Variants in FSTL4 observed in about 807,000 individuals in gnomAD.
FSTL4 encodes the protein follistatin like 4.
Under a neutral mutation model 78.2 loss-of-function variants are expected in FSTL4, and 28 were observed. That is an observed-to-expected ratio of 0.36 (90% CI 0.27 to 0.49). The LOEUF (loss-of-function observed/expected upper bound fraction) is 0.49. FSTL4 is among the 20% of genes least tolerant of loss of function. The pLI, the probability that FSTL4 is intolerant of heterozygous loss-of-function variation, is 0.98. For synonymous variants in FSTL4, 422 were observed against 440.5 expected (o/e 0.96, Z 0.53); for missense variants, 922 against 1,084.9 (o/e 0.85, Z 2.11).
intron 13 of FSTL4, among the ~76,000 whole-genome samples, chr5:133,215,129 A>G (rs1750865192): frequency 6.6e-6 from 1 of 152,222 alleles, no homozygotes. Context: ...ACACATGCTC[A>G]TCACAGCACA....
At chr5:133,756,711 G>C in the FSTL4 span, among the ~76,000 whole-genome samples, 1 of 152,134 alleles carries the variant, frequency 6.6e-6, no homozygotes, top group Admixed American at 6.5e-5. Flanking sequence ...GTTGTGATTT[G>C]TCATTGGTGC....
chr5:133,549,954 G>A (rs1315930659), intron 3 of FSTL4, among the ~76,000 whole-genome samples: 1 of 152,072 alleles, frequency 6.6e-6, no homozygotes, highest in Non-Finnish European at 1.5e-5. Context: ...GGTCTGTTGG[G>A]GTCTCAGCTT....
At chr5:133,836,337 T>C in the FSTL4 span, among the ~76,000 whole-genome samples, 1 of 152,212 alleles carries the variant, frequency 6.6e-6, no homozygotes, top group Admixed American at 6.5e-5. Flanking sequence ...AATCTTATAG[T>C]GCATACCCTA....
intron 6 of FSTL4, among the ~76,000 whole-genome samples, chr5:133,271,554 G>T (rs1261683559): frequency 6.6e-6 from 1 of 152,178 alleles, no homozygotes; most frequent in Non-Finnish European, 1.5e-5. Flanking sequence ...ATCAAGCCCA[G>T]CTAGTGAGAT....
the FSTL4 span, among the ~76,000 whole-genome samples, chr5:133,838,069 G>A: frequency 6.6e-6 from 1 of 152,098 alleles, no homozygotes; most frequent in East Asian, 1.9e-4. Context: ...TGCATTTTTA[G>A]TAAAGACAGG....
chr5:133,802,376 A>T, the FSTL4 span, among the ~76,000 whole-genome samples: 55 of 152,342 alleles, frequency 3.6e-4, no homozygotes, highest in South Asian at 4.3e-3. Context: ...TGCAGCTGAA[A>T]GGTCGTTATC....
chr5:133,613,658 C>T (rs527390985), upstream of FSTL4, among the ~76,000 whole-genome samples: 10 of 152,234 alleles, frequency 6.6e-5, no homozygotes, highest in South Asian at 1.4e-3. Context: ...TGGGCCAGCG[C>T]GGTCTTGGCA....
chr5:133,651,643 A>T, the FSTL4 span, among the ~76,000 whole-genome samples: 1 of 148,982 alleles, frequency 6.7e-6, no homozygotes, highest in South Asian at 2.1e-4. Context: ...TGATTTGCTT[A>T]TTTTTTTTTT....
chr5:133,825,472 C>G, the FSTL4 span, among the ~76,000 whole-genome samples: 6 of 152,222 alleles, frequency 3.9e-5, no homozygotes, highest in African/African-American at 7.2e-5. Context: ...ACCTTTGCTT[C>G]TAGGTTAATT....
At chr5:133,725,926 T>C in the FSTL4 span, among the ~76,000 whole-genome samples, 1 of 152,144 alleles carries the variant, frequency 6.6e-6, no homozygotes, top group Non-Finnish European at 1.5e-5. Context: ...TTGTCATTCT[T>C]GAGTTAAAGC....
At chr5:133,724,438 C>T in the FSTL4 span, among the ~76,000 whole-genome samples, 1 of 136,728 alleles carries the variant, frequency 7.3e-6, no homozygotes, top group African/African-American at 2.8e-5. Flanking sequence ...CCAGAGCTCT[C>T]CTTCAGTCCT....
intron 4 of FSTL4, among the ~76,000 whole-genome samples, chr5:133,341,158 A>G (rs1209006635): frequency 6.6e-6 from 1 of 151,820 alleles, no homozygotes; most frequent in African/African-American, 2.4e-5. Context: ...CTTCGAAACT[A>G]AGAGCTCAGG....
Position 133,210,228 on chromosome 5 carries a change from C to G in FSTL4, c.1679G>C (p.Ser560Thr). The G allele has an allele frequency of 6.2e-7, 1 of 1,612,792 alleles. No individual in the cohort carries two copies. Among genetic ancestry groups the G allele is most frequent in the Non-Finnish European group, 8.5e-7 (1 of 1,178,922 alleles). The change falls in exon 14 of 16, where the codon AGC (serine) becomes ACC (threonine). Residue 560 changes from serine to threonine, a missense_variant. By Grantham distance (58) the Ser-to-Thr change is moderately conservative (BLOSUM62 1). Transcript: ENST00000265342. ...TCGGGACTTGTGCACGTCCCCCCAG[C>G]TCAGGACCCACACTTGGTCATGTGA... ...DKSHDQVWVLSWGDVHKSRPS... is the reference protein window; with the variant it reads ...DKSHDQVWVLTWGDVHKSRPS...
intron 5 of FSTL4, among the ~76,000 whole-genome samples, chr5:133,314,202 G>A (rs1419524515): frequency 2.0e-5 from 3 of 152,196 alleles, no homozygotes; most frequent in Non-Finnish European, 4.4e-5. Flanking sequence ...CCTGCAAGTA[G>A]CTGTAACTAT....
intron 1 of FSTL4, among the ~76,000 whole-genome samples, chr5:133,606,453 G>C (rs58755594): frequency 6.6e-6 from 1 of 152,022 alleles, no homozygotes; most frequent in African/African-American, 2.4e-5. Context: ...AATAAACAAG[G>C]TAACTCCCTA....
At chr5:133,652,663 G>A in the FSTL4 span, among the ~76,000 whole-genome samples, 1 of 152,194 alleles carries the variant, frequency 6.6e-6, no homozygotes, top group Non-Finnish European at 1.5e-5. Flanking sequence ...GTTAAGGTGT[G>A]TTTTATGGCC....
At chr5:133,453,276 C>CCAT (rs775107477) in intron 3 of FSTL4, among the ~76,000 whole-genome samples, 46 of 152,056 alleles carry the variant, frequency 3.0e-4, no homozygotes, top group African/African-American at 6.0e-4. Context: ...TTCATCATCA[C>CCAT]CATCATCATC....
intron 10 of FSTL4, chr5:133,224,474 C>A: frequency 2.9e-6 from 1 of 344,586 alleles, no homozygotes; most frequent in East Asian, 4.7e-5. Context: ...ACCACAGAAG[C>A]TAATGGAATT....
intron 3 of FSTL4, among the ~76,000 whole-genome samples, chr5:133,437,932 A>ATTG (rs1757070418): frequency 6.6e-6 from 1 of 150,884 alleles, no homozygotes; most frequent in Non-Finnish European, 1.5e-5. Context: ...TATTATTATT[A>ATTG]TTGTCTTCAG....
Sources: allele counts gnomAD v4.1 joint callset (sites outside exome capture counted in the v4.1 genomes callset), GRCh38; gene constraint gnomAD v4.1.1; transcripts MANE v1.5; gene names NCBI Gene and HGNC (gene_info 2026-07-23, HGNC 2026-07-21).